FERMT1: variants seen among roughly 807,000 people sequenced by gnomAD.
FERMT1 encodes the protein fermitin family homolog 1.
A neutral mutation model predicts 85.3 loss-of-function variants in FERMT1; 60 were observed. That is an observed-to-expected ratio of 0.70 (90% CI 0.57 to 0.87). The LOEUF is 0.87. Among genes scored for constraint, FERMT1 ranks in the 40% least tolerant of loss-of-function variants. The pLI, the probability that FERMT1 is intolerant of heterozygous loss-of-function variation, is 0.00. For missense variants in FERMT1, 701 were observed against 818.9 expected, an observed-to-expected ratio of 0.86 and a Z score of 1.76; for synonymous variants, 275 against 301.1, an observed-to-expected ratio of 0.91 and a Z score of 0.90.
chr20:6,087,076 C>T (rs1982208692), intron 11 of FERMT1, among the ~76,000 whole-genome samples: 1 of 152,164 alleles, frequency 6.6e-6, no homozygotes, highest in Non-Finnish European at 1.5e-5. Context: ...GTGCCAACTT[C>T]ATGCCTAAGC....
At chr20:6,078,939 T>TATGGACCTC (rs1981917431) in intron 14 of FERMT1, among the ~76,000 whole-genome samples, 1 of 152,206 alleles carries the variant, frequency 6.6e-6, no homozygotes, top group African/African-American at 2.4e-5. Flanking sequence ...CAGTCATCAC[T>TATGGACCTC]ATGGACCTCA....
intron 9 of FERMT1, among the ~76,000 whole-genome samples, chr20:6,089,682 A>G (rs1033714657): frequency 6.6e-6 from 1 of 152,242 alleles, no homozygotes; most frequent in Admixed American, 6.5e-5. Context: ...ATTCTCAGTG[A>G]ACCATGGAAA....
chr20:6,090,363 A>C (rs568689151), intron 9 of FERMT1, among the ~76,000 whole-genome samples: 1 of 152,048 alleles, frequency 6.6e-6, no homozygotes, highest in Non-Finnish European at 1.5e-5. Context: ...ATGAGCCACC[A>C]CGCCCAGCTG....
chr20:6,091,615 A>T (rs1053106955), intron 9 of FERMT1, among the ~76,000 whole-genome samples: 2 of 152,250 alleles, frequency 1.3e-5, no homozygotes, highest in Non-Finnish European at 2.9e-5. Flanking sequence ...AGCACCTTTA[A>T]CCAAAAGATA....
chr20:6,081,591 A>T (rs1217154385), intron 13 of FERMT1, among the ~76,000 whole-genome samples: 1 of 152,096 alleles, frequency 6.6e-6, no homozygotes, highest in Non-Finnish European at 1.5e-5. Flanking sequence ...GGAGGGAGAG[A>T]AAACCTAACT....
chr20:6,082,540 G>C (rs6117072), intron 13 of FERMT1, among the ~76,000 whole-genome samples: 63,840 of 152,084 alleles, frequency 0.42, 13,732 homozygotes, highest in East Asian at 0.62. Flanking sequence ...ACGACTCCGC[G>C]CTTCCTCACT....
In FERMT1 at chr20:6,122,883, G is replaced by C. The variant is rs2123163457; in HGVS notation, c.-128C>G. ...GAGGAGCGGGCGCTGGCGAAGTGGGGAGCGGGGGGCGCCCAGTGGCGGCGG... is the reference window on the plus strand; with the variant it reads ...GAGGAGCGGGCGCTGGCGAAGTGGGCAGCGGGGGGCGCCCAGTGGCGGCGG... On this transcript the variant is annotated 5_prime_UTR_variant, in exon 1 of 15. Coordinates refer to ENST00000217289, the MANE Select transcript of FERMT1 (RefSeq NM_017671.5). The C allele has an allele frequency of 6.5e-6, 1 of 152,832 alleles. No individual in the cohort carries two copies. Among genetic ancestry groups the C allele is most frequent in the East Asian group, 1.9e-4 (1 of 5,184 alleles). 9.5% of individuals were successfully genotyped at this position (152,832 alleles called of 1,614,324 possible). A position where few individuals can be genotyped will look rare whatever the true frequency, so the allele number is the denominator to read the frequency against.
chr20:6,076,562 C>G lies in FERMT1; in HGVS notation c.*611G>C. 1 of 465,246 alleles carries G rather than the reference C, an allele frequency of 2.1e-6. No homozygotes were observed. The highest frequency in any genetic ancestry group is 1.5e-5 in the South Asian group (1 of 64,642). The allele number at this position is 465,246 out of a possible 1,614,324, so 28.8% of individuals were successfully genotyped here. On this transcript the variant is annotated 3_prime_UTR_variant, in exon 15 of 15. Coordinates refer to ENST00000217289, the MANE Select transcript of FERMT1 (RefSeq NM_017671.5). Reference sequence around the variant, plus strand: ...TCATCTTGGCAGGTATCACTGTGGACAGATGACACTGAGGGCCACTCCTCT... The same window carrying G: ...TCATCTTGGCAGGTATCACTGTGGAGAGATGACACTGAGGGCCACTCCTCT...
At chr20:6,112,825 G>T (rs1445034114) in intron 3 of FERMT1, among the ~76,000 whole-genome samples, 2 of 152,174 alleles carry the variant, frequency 1.3e-5, no homozygotes, top group South Asian at 4.1e-4. Context: ...AAACGGTGGA[G>T]GGAGATTCAG....
At chr20:6,082,089 TCTGA>T (rs1167113713) in intron 13 of FERMT1, among the ~76,000 whole-genome samples, 1 of 152,182 alleles carries the variant, frequency 6.6e-6, no homozygotes, top group African/African-American at 2.4e-5. Flanking sequence ...AGGCTTTGAC[TCTGA>T]CTGACCTTGG....
At position 6,076,819 on chromosome 20, in the gene FERMT1, G is replaced by A. The variant is rs761138761; in HGVS notation, c.*354C>T. The A allele has an allele frequency of 2.4e-5, 9 of 382,622 alleles. No individual in the cohort carries two copies. Among genetic ancestry groups the A allele is most frequent in the Non-Finnish European group, 4.0e-5 (8 of 202,466 alleles). 23.7% of individuals were successfully genotyped at this position (382,622 alleles called of 1,614,324 possible). A position where few individuals can be genotyped will look rare whatever the true frequency, so the allele number is the denominator to read the frequency against. On this transcript the variant is annotated 3_prime_UTR_variant, in exon 15 of 15. Coordinates refer to ENST00000217289, the MANE Select transcript of FERMT1 (RefSeq NM_017671.5). ...CCTTTCTGTCTTCTCCATTGACTTAGTAATGAGACAGATCAGCACGAGGAT... is the reference window on the plus strand; with the variant it reads ...CCTTTCTGTCTTCTCCATTGACTTAATAATGAGACAGATCAGCACGAGGAT...
intron 3 of FERMT1, among the ~76,000 whole-genome samples, chr20:6,113,117 G>A (rs191505712): frequency 6.6e-6 from 1 of 152,218 alleles, no homozygotes; most frequent in Admixed American, 6.5e-5. Flanking sequence ...TCTTTCCTGT[G>A]CTGTTCTCAT....
At position 6,112,476 on chromosome 20, in the gene FERMT1, C is replaced by G; in HGVS notation, c.532+1G>C. 6.2e-7 allele frequency: 1 copy of G among 1,613,564 alleles called. No homozygotes were observed. The highest frequency in any genetic ancestry group is 8.5e-7 in the Non-Finnish European group (1 of 1,179,650). ...AACAAAACACCTGTAACAAGTCTTA[C>G]CTGATGAACCTGAAGCTGTTGGAGA... On this transcript the variant is annotated splice_donor_variant, in intron 4 of 14. Coordinates refer to ENST00000217289, the MANE Select transcript of FERMT1 (RefSeq NM_017671.5). LOFTEE classifies it high-confidence loss of function.
intron 5 of FERMT1, among the ~76,000 whole-genome samples, chr20:6,108,293 A>T (rs1982852045): frequency 2.0e-5 from 3 of 152,236 alleles, no homozygotes; most frequent in African/African-American, 7.2e-5. Context: ...TTCTGGTCTC[A>T]AGCATTTTGG....
intron 2 of FERMT1, among the ~76,000 whole-genome samples, chr20:6,118,571 A>G (rs556210134): frequency 6.6e-6 from 1 of 152,342 alleles, no homozygotes; most frequent in East Asian, 1.9e-4. Context: ...AAAAAAAACT[A>G]TCTTGCTAGA....
rs121918293 is a variant in FERMT1, at chr20:6,107,570, G to A, written c.811C>T (p.Arg271Ter). Residue 271 changes from arginine to a stop codon, truncating the protein, a stop_gained, in exon 6 of 15, where the codon CGA becomes TGA. Coordinates refer to ENST00000217289, the MANE Select transcript of FERMT1 (RefSeq NM_017671.5). LOFTEE classifies it high-confidence loss of function. ...GIQEDEQLLL[R>*]FKYYSFFDLN... ...TCGAAGAAAGAATAATATTTAAATCGTAAGAGCAGCTGCTCATCCTCTTGG... is the reference window on the plus strand; with the variant it reads ...TCGAAGAAAGAATAATATTTAAATCATAAGAGCAGCTGCTCATCCTCTTGG... 31 of 1,612,412 alleles carry A rather than the reference G, an allele frequency of 1.9e-5. No individual in the cohort carries two copies. The highest frequency in any genetic ancestry group is 6.7e-5 in the African/African-American group (5 of 74,876).
At chr20:6,078,270 G>A (rs1201594347) in intron 14 of FERMT1, among the ~76,000 whole-genome samples, 1 of 152,148 alleles carries the variant, frequency 6.6e-6, no homozygotes, top group African/African-American at 2.4e-5. Flanking sequence ...TAGAGCTACC[G>A]CCTTAGAGGT....
Position 6,079,510 on chromosome 20 carries a change from C to G in FERMT1, c.1786G>C (p.Ala596Pro). ...SYNRLIKIDAATGIPVTTWRF... is the reference protein window; with the variant it reads ...SYNRLIKIDAPTGIPVTTWRF... Reference sequence around the variant, plus strand: ...CATGTTGTCACTGGAATCCCGGTGGCTGCATCAATTTTAATCAACCTGTTA... The same window carrying G: ...CATGTTGTCACTGGAATCCCGGTGGGTGCATCAATTTTAATCAACCTGTTA... Residue 596 changes from alanine (A) to proline (P), a missense_variant, in exon 14 of 15, where the codon GCC becomes CCC. Physicochemically the swap from Ala to Pro is conservative, Grantham distance 27 (BLOSUM62 -1). Coordinates refer to ENST00000217289, the MANE Select transcript of FERMT1 (RefSeq NM_017671.5). 3 of 1,613,876 alleles carry G rather than the reference C, an allele frequency of 1.9e-6. No individual in the cohort carries two copies. The highest frequency in any genetic ancestry group is 2.5e-6 in the Non-Finnish European group (3 of 1,179,768).
intron 11 of FERMT1, 138 bp downstream of exon 11, chr20:6,087,639 T>C: frequency 1.4e-6 from 1 of 713,256 alleles, no homozygotes. Context: ...CATTGTGATT[T>C]TGTTACACTG....
Sources: allele counts gnomAD v4.1 joint callset (sites outside exome capture counted in the v4.1 genomes callset), GRCh38; gene constraint gnomAD v4.1.1; transcripts MANE v1.5; gene names NCBI Gene and HGNC (gene_info 2026-07-23, HGNC 2026-07-21).